Variants in DGKE observed in about 807,000 individuals in gnomAD.
The protein encoded by DGKE is diacylglycerol kinase epsilon.
In DGKE, 53 loss-of-function variants were observed where a neutral mutation model predicts 70.0. The ratio of observed to expected loss-of-function variants is 0.76; its 90% CI spans 0.61 to 0.95. DGKE has a LOEUF of 0.95. DGKE is among the 40% of genes least tolerant of loss of function. The pLI, the probability that DGKE is intolerant of heterozygous loss-of-function variation, is 0.00. For missense variants in DGKE, 655 were observed against 706.9 expected (o/e 0.93, Z 0.83); for synonymous variants, 291 against 257.0 (o/e 1.13, Z -1.27).
chr17:56,859,255 G>A (rs969488670), intron 9 of DGKE, among the ~76,000 whole-genome samples: 18 of 151,612 alleles, frequency 1.2e-4, no homozygotes, highest in African/African-American at 4.3e-4. Context: ...GACCCGGGAG[G>A]CGGAGCTTGC....
intron 7 of DGKE, among the ~76,000 whole-genome samples, chr17:56,856,110 C>T (rs111526326): frequency 1.1e-4 from 16 of 151,770 alleles, no homozygotes; most frequent in African/African-American, 3.9e-4. Flanking sequence ...GAATCCAGGC[C>T]GCACTGGGAA....
At chr17:56,843,325 A>C (rs1365000494) in intron 2 of DGKE, among the ~76,000 whole-genome samples, 2 of 152,144 alleles carry the variant, frequency 1.3e-5, no homozygotes, top group African/African-American at 4.8e-5. Flanking sequence ...CATTTCTTTC[A>C]CTTATTATTC....
intron 2 of DGKE, among the ~76,000 whole-genome samples, chr17:56,837,551 A>G (rs938300045): frequency 6.6e-6 from 1 of 152,246 alleles, no homozygotes; most frequent in African/African-American, 2.4e-5. Flanking sequence ...GAAGTTGTAC[A>G]TATTCTACAG....
At chr17:56,839,752 C>T (rs1906850565) in intron 2 of DGKE, among the ~76,000 whole-genome samples, 1 of 152,118 alleles carries the variant, frequency 6.6e-6, no homozygotes, top group Non-Finnish European at 1.5e-5. Context: ...AATTCCTGGG[C>T]TCAAGCAATC....
At chr17:56,847,883 G>A (rs753426195) in intron 4 of DGKE, 39 bp from the exon 5 acceptor site, 13 of 1,455,922 alleles carry the variant, frequency 8.9e-6, no homozygotes, top group Middle Eastern at 2.1e-4. Flanking sequence ...GAAGGAAAAT[G>A]TTGGATAAAA....
rs1163604709 is a variant in DGKE, at chr17:56,834,931, C to T, written c.136C>T (p.Arg46Cys). 6.2e-7 allele frequency: 1 copy of T among 1,613,468 alleles called. No homozygotes were observed. Among genetic ancestry groups the T allele is most frequent in the Non-Finnish European group, 8.5e-7 (1 of 1,179,950 alleles). ...CTTCTGGTGTAGCCTCCAGCGGTCG[C>T]GCCGGCAGCTGCACCGCAGGGACAT... ...ITFWCSLQRS[R>C]RQLHRRDIFR... Residue 46 changes from arginine to cysteine, a missense_variant, in exon 2 of 12, where the codon CGC (arginine) becomes TGC (cysteine). Arg to Cys is a radical substitution (Grantham distance 180). Transcript: ENST00000284061.
chr17:56,845,116 G>T (rs1358814014), intron 3 of DGKE, among the ~76,000 whole-genome samples: 1 of 152,024 alleles, frequency 6.6e-6, no homozygotes, highest in Non-Finnish European at 1.5e-5. Flanking sequence ...TTCATTAATG[G>T]TTACATCTAC....
At chr17:56,845,625 G>A (rs1907232659) in intron 3 of DGKE, 65 bp from the exon 4 acceptor site, 1 of 1,507,128 alleles carries the variant, frequency 6.6e-7, no homozygotes, top group Non-Finnish European at 8.9e-7. Flanking sequence ...TGTTCTCAAG[G>A]CATGGAAAAT....
intron 8 of DGKE, among the ~76,000 whole-genome samples, chr17:56,858,114 C>T (rs1045643882): frequency 6.6e-6 from 1 of 151,524 alleles, no homozygotes; most frequent in Non-Finnish European, 1.5e-5. Context: ...CACTTCTATC[C>T]CACATTTCCC....
chr17:56,867,602 C>CAAA lies in DGKE; in HGVS notation c.*4820_*4822dup, dbSNP rs1159437356. 903 of 136,230 alleles carry CAAA rather than the reference C, an allele frequency of 6.6e-3. 19 individuals carry two copies. The highest frequency in any genetic ancestry group is 0.062 in the Admixed American group (823 of 13,378). 8.4% of individuals were successfully genotyped at this position (136,230 alleles called of 1,614,324 possible). On this transcript the variant is annotated 3_prime_UTR_variant, in exon 12 of 12. Coordinates refer to ENST00000284061, the MANE Select transcript of DGKE (RefSeq NM_003647.3). ...TGGGCAACAGAGCAAGACTCCATCTCAAAAAAAAAAAGGCCGGGCGTGGTG... is the reference window on the plus strand; with the variant it reads ...TGGGCAACAGAGCAAGACTCCATCTCAAAAAAAAAAAAAAGGCCGGGCGTGGTG...
intron 10 of DGKE, 57 bp downstream of exon 10, chr17:56,861,975 TG>T: frequency 6.4e-7 from 1 of 1,552,790 alleles, no homozygotes; most frequent in Non-Finnish European, 8.7e-7. Flanking sequence ...AGCAATCTCT[TG>T]TTTATAGACT....
chr17:56,861,279 A>T (rs1262101406), intron 9 of DGKE, among the ~76,000 whole-genome samples: 2 of 151,896 alleles, frequency 1.3e-5, no homozygotes, highest in East Asian at 1.9e-4. Context: ...GGAGGGGAAG[A>T]TGTTACTCTT....
intron 9 of DGKE, among the ~76,000 whole-genome samples, chr17:56,859,997 T>G (rs1284073753): frequency 6.6e-6 from 1 of 152,230 alleles, no homozygotes; most frequent in Non-Finnish European, 1.5e-5. Flanking sequence ...AAAAGAGTGT[T>G]ATGTTACTTT....
intron 7 of DGKE, among the ~76,000 whole-genome samples, chr17:56,850,124 T>C (rs1158871860): frequency 6.6e-6 from 1 of 151,914 alleles, no homozygotes; most frequent in Non-Finnish European, 1.5e-5. Context: ...CTTTTCTTTT[T>C]TTTTTTTTCT....
chr17:56,848,187 T>A (rs1368838847), intron 5 of DGKE, 122 bp downstream of exon 5: 2 of 600,696 alleles, frequency 3.3e-6, no homozygotes, highest in African/African-American at 2.0e-5. Flanking sequence ...AGATACAGTC[T>A]CGCACTGTCA....
chr17:56,850,927 C>T (rs907878521), intron 7 of DGKE, among the ~76,000 whole-genome samples: 1 of 151,944 alleles, frequency 6.6e-6, no homozygotes, highest in Non-Finnish European at 1.5e-5. Context: ...TAGTTCTGCC[C>T]TAGCTGAGAA....
chr17:56,858,070 T>G (rs1292243821), intron 8 of DGKE, among the ~76,000 whole-genome samples: 9 of 38,226 alleles, frequency 2.4e-4, no homozygotes, highest in Non-Finnish European at 3.6e-4. Flanking sequence ...AGACTCCATC[T>G]CAAAAAAAAA....
rs997914476 is a variant in DGKE, at chr17:56,863,585, C to T, written c.*794C>T. 6.6e-5 allele frequency: 10 copies of T among 152,202 alleles called. No homozygotes were observed. The highest frequency in any genetic ancestry group is 2.4e-4 in the African/African-American group (10 of 41,450). 9.4% of individuals were successfully genotyped at this position (152,202 alleles called of 1,614,324 possible). ...ATCAGCCGCTCTTTTTATTAAAAGA[C>T]AGTGTCAACACTTCAAAAAACGTGC... On this transcript the variant is annotated 3_prime_UTR_variant, in exon 12 of 12. Transcript: ENST00000284061.
intron 9 of DGKE, among the ~76,000 whole-genome samples, chr17:56,859,917 C>T (rs576618285): frequency 1.3e-4 from 20 of 152,184 alleles, no homozygotes; most frequent in Admixed American, 3.3e-4. Flanking sequence ...AAAATGTTGC[C>T]GTTAGGCGTA....
Sources: allele counts gnomAD v4.1 joint callset (sites outside exome capture counted in the v4.1 genomes callset), GRCh38; gene constraint gnomAD v4.1.1; transcripts MANE v1.5; gene names NCBI Gene and HGNC (gene_info 2026-07-23, HGNC 2026-07-21).